ZFHX3: variants seen among roughly 807,000 people sequenced by gnomAD.
ZFHX3 encodes the protein zinc finger homeobox 3.
Under a neutral mutation model 279.1 loss-of-function variants are expected in ZFHX3, and 42 were observed. The ratio of observed to expected loss-of-function variants is 0.15; its 90% confidence interval spans 0.12 to 0.19. The LOEUF is 0.19. Ranked by LOEUF, ZFHX3 falls within the 10% of genes least tolerant of loss-of-function variation. The pLI, the probability that ZFHX3 is intolerant of heterozygous loss-of-function variation, is 1.00. For missense variants in ZFHX3, 4,981 were observed against 4,754.0 expected (o/e 1.05, Z -1.40); for synonymous variants, 2,293 against 1,957.8 (o/e 1.17, Z -4.52).
intron 5 of ZFHX3, among the ~76,000 whole-genome samples, chr16:72,817,012 CAA>C (rs1418799244): frequency 1.3e-5 from 2 of 152,132 alleles, no homozygotes; most frequent in Non-Finnish European, 2.9e-5. Context: ...AGCATTCATG[CAA>C]AGTTTTGTTT....
intron 5 of ZFHX3, among the ~76,000 whole-genome samples, chr16:73,241,848 A>G (rs1034787158): frequency 2.0e-5 from 3 of 150,342 alleles, no homozygotes; most frequent in African/African-American, 7.4e-5. Flanking sequence ...ACGTCTTATT[A>G]AAAGTCTATT....
At chr16:73,135,040 T>G (rs986734922) in intron 6 of ZFHX3, among the ~76,000 whole-genome samples, 9 of 152,156 alleles carry the variant, frequency 5.9e-5, no homozygotes, top group African/African-American at 1.9e-4. Context: ...TGTTACTGCA[T>G]CATTACTTAG....
At chr16:73,124,789 G>C (rs1008206458) in intron 7 of ZFHX3, among the ~76,000 whole-genome samples, 13 of 152,206 alleles carry the variant, frequency 8.5e-5, no homozygotes, top group African/African-American at 3.1e-4. Flanking sequence ...GCATGGTGAC[G>C]AGAAGCTGGG....
chr16:72,947,586 G>A lies in ZFHX3; in HGVS notation c.3216+2883C>T, dbSNP rs537487428. The stretch of plus-strand genomic sequence containing the variant: ...GAGAATAAAAGCCTCGGCTGAAAGA[G>A]AGGTCTGGGAGGGCCACCGGGAAGC... On this transcript the variant is annotated intron_variant, in intron 3 of 9. Transcript: ENST00000268489. Among the ~76,000 whole-genome samples the A allele has an allele frequency of 7.2e-5, 11 of 152,246 alleles. No homozygotes were observed. The South Asian group carries it at 1.2e-3, about 17-fold the overall frequency.
At chr16:73,201,360 G>A (rs893356992) in intron 5 of ZFHX3, among the ~76,000 whole-genome samples, 1 of 152,182 alleles carries the variant, frequency 6.6e-6, no homozygotes, top group African/African-American at 2.4e-5. Context: ...TGTTTGAGCT[G>A]TTGAATCCAG....
intron 2 of ZFHX3, among the ~76,000 whole-genome samples, chr16:73,547,186 C>A (rs1475024627): frequency 6.6e-6 from 1 of 151,954 alleles, no homozygotes; most frequent in Non-Finnish European, 1.5e-5. Flanking sequence ...GGTACATGCC[C>A]CATTTCCTCC....
chr16:72,810,775 G>A (rs774768058), intron 7 of ZFHX3, among the ~76,000 whole-genome samples: 2 of 152,072 alleles, frequency 1.3e-5, no homozygotes, highest in Admixed American at 6.5e-5. Context: ...TGGAAATTGC[G>A]GGTTCAAATC....
At chr16:73,109,558 T>A (rs1055250920) in intron 7 of ZFHX3, among the ~76,000 whole-genome samples, 18 of 151,960 alleles carry the variant, frequency 1.2e-4, no homozygotes, top group African/African-American at 4.4e-4. Context: ...GCATTCCGTA[T>A]TTTTTTTGTT....
chr16:73,328,025 A>T (rs554706192), intron 3 of ZFHX3, among the ~76,000 whole-genome samples: 1 of 152,332 alleles, frequency 6.6e-6, no homozygotes, highest in Admixed American at 6.5e-5. Flanking sequence ...CAGCCAGAAT[A>T]CTGAACCTAT....
At chr16:73,083,254 A>AAGTCAGCAT (rs1965971524) in intron 8 of ZFHX3, 1 of 152,196 alleles carries the variant, frequency 6.6e-6, no homozygotes, top group African/African-American at 2.4e-5. Context: ...AGAGCCATCT[A>AAGTCAGCAT]AGTCAGCATA....
At chr16:73,849,500 A>G (rs1238438047) in intron 1 of ZFHX3, among the ~76,000 whole-genome samples, 2 of 152,210 alleles carry the variant, frequency 1.3e-5, no homozygotes, top group African/African-American at 2.4e-5. Flanking sequence ...AAAGGATAAC[A>G]GGGCCTGGTT....
chr16:73,050,528 C>T (rs1349625220), upstream of ZFHX3, among the ~76,000 whole-genome samples: 2 of 152,214 alleles, frequency 1.3e-5, no homozygotes. Flanking sequence ...TGGGTGTCAC[C>T]TCTACTAAAA....
At chr16:73,188,861 T>C (rs1346001980) in intron 5 of ZFHX3, among the ~76,000 whole-genome samples, 1 of 123,746 alleles carries the variant, frequency 8.1e-6, no homozygotes, top group East Asian at 2.2e-4. Flanking sequence ...TGGATATTTC[T>C]TTTTCTTTTT....
intron 6 of ZFHX3, among the ~76,000 whole-genome samples, chr16:73,138,459 G>A (rs573392115): frequency 3.9e-5 from 6 of 152,202 alleles, no homozygotes; most frequent in Admixed American, 1.3e-4. Context: ...GATATGCCAG[G>A]GCTCTGAAGA....
chr16:73,277,421 C>G lies in ZFHX3; in HGVS notation c.-1193-20285G>C, dbSNP rs373107608. On this transcript the variant is annotated intron_variant, in intron 4 of 17. Coordinates refer to the ZFHX3 transcript ENST00000641206. ...CTGGATTTTAGCTCTAGGTGTCCTC[C>G]CATTTTTCTTTCTTACTGGGTAGAT... 1.2e-4 allele frequency among the ~76,000 whole-genome samples: 18 copies of G among 152,262 alleles called. No homozygotes were observed. The East Asian group carries it at 3.1e-3, about 26-fold the overall frequency.
chr16:73,123,055 T>C (rs1966519571), intron 7 of ZFHX3, among the ~76,000 whole-genome samples: 1 of 151,816 alleles, frequency 6.6e-6, no homozygotes, highest in Non-Finnish European at 1.5e-5. Flanking sequence ...GAGTGTCAGA[T>C]GTTCACCAAG....
intron 2 of ZFHX3, 71 bp from the exon 3 acceptor site, chr16:72,951,036 C>CA: frequency 6.4e-7 from 1 of 1,551,300 alleles, no homozygotes; most frequent in Non-Finnish European, 8.7e-7. Flanking sequence ...AGGCACCCCC[C>CA]AGCCCTCCGC....
chr16:73,726,461 G>T (rs1431380705), intron 1 of ZFHX3, among the ~76,000 whole-genome samples: 1 of 152,154 alleles, frequency 6.6e-6, no homozygotes, highest in Admixed American at 6.5e-5. Context: ...TGCACTGGGG[G>T]TTTGTCCTAC....
intron 3 of ZFHX3, among the ~76,000 whole-genome samples, chr16:73,343,070 A>C (rs1249379383): frequency 2.6e-5 from 4 of 152,220 alleles, no homozygotes; most frequent in Non-Finnish European, 4.4e-5. Flanking sequence ...CAAATGAATG[A>C]ATATATTGAG....
Sources: allele counts gnomAD v4.1 joint callset (sites outside exome capture counted in the v4.1 genomes callset), GRCh38; gene constraint gnomAD v4.1.1; transcripts MANE v1.5; gene names NCBI Gene and HGNC (gene_info 2026-07-23, HGNC 2026-07-21).